The following PPP1R12B variants were observed in gnomAD, a reference collection of about 807,000 sequenced individuals.
The protein encoded by PPP1R12B is myosin phosphatase target subunit 2.
In PPP1R12B, 76 loss-of-function variants were observed where a neutral mutation model predicts 126.1. That is an observed-to-expected ratio of 0.60 (90% confidence interval 0.50 to 0.73). PPP1R12B has a LOEUF of 0.73. Ranked by LOEUF, PPP1R12B falls within the 30% of genes least tolerant of loss-of-function variation. The probability of loss-of-function intolerance (pLI) is 0.00; values close to 1 mark genes in which losing one functional copy is unlikely to be tolerated. For synonymous variants in PPP1R12B, 356 were observed against 434.7 expected (o/e 0.82, Z 2.25); for missense variants, 1,052 against 1,205.1 (o/e 0.87, Z 1.88).
intron 1 of PPP1R12B, among the ~76,000 whole-genome samples, chr1:202,357,168 A>G (rs892621880): frequency 6.6e-6 from 1 of 152,148 alleles, no homozygotes; most frequent in East Asian, 1.9e-4. Flanking sequence ...CCAGAATGCT[A>G]TGATAATAAA....
rs368741212 is a variant in PPP1R12B, at chr1:202,410,403, C to T, written c.292-6384C>T. ...CTAACATATGCCCAGACACCTGGAG[C>T]TGGGTTTTATGGGGAAGAGAGTTGT... On this transcript the variant is annotated intron_variant, in intron 1 of 23. Transcript: ENST00000608999. Among the ~76,000 whole-genome samples the T allele has an allele frequency of 2.9e-4, 44 of 152,336 alleles. 1 individual carries two copies. In the South Asian group the frequency reaches 8.1e-3, roughly 28 times the overall value.
intron 1 of PPP1R12B, among the ~76,000 whole-genome samples, chr1:202,388,513 C>T (rs1411884635): frequency 6.6e-6 from 1 of 151,990 alleles, no homozygotes; most frequent in East Asian, 1.9e-4. Context: ...GCCTATAAAA[C>T]TTGTAGGAAG....
intron 13 of PPP1R12B, chr1:202,472,082 T>C (rs1675996554): frequency 6.3e-7 from 1 of 1,586,822 alleles, no homozygotes; most frequent in Non-Finnish European, 8.5e-7. Flanking sequence ...TCTCCTCTTC[T>C]GGAGAGGGAT....
chr1:202,439,862 G>T (rs1433727848), intron 10 of PPP1R12B: 1 of 337,182 alleles, frequency 3.0e-6, no homozygotes, highest in East Asian at 6.6e-5. Context: ...CAACAGGTTT[G>T]GGGACAGCCC....
At position 202,349,025 on chromosome 1, in the gene PPP1R12B, C is replaced by T. The variant is rs1282946961; in HGVS notation, c.174C>T (p.Asp58=). 6.2e-7 allele frequency: 1 copy of T among 1,612,212 alleles called. No homozygotes were observed. The highest frequency in any genetic ancestry group is 1.3e-5 in the African/African-American group (1 of 74,924). The change falls in exon 1 of 24, where the codon GAC becomes GAT. Residue 58 remains aspartate (D), a synonymous_variant. Coordinates refer to ENST00000608999, the MANE Select transcript of PPP1R12B (RefSeq NM_002481.4). ...RRGSPRVRFE[D]GAVFLAACSS... Reference sequence around the variant, plus strand: ...GGAGCCCCAGGGTCCGCTTCGAGGACGGTGCTGTCTTTCTGGCCGCCTGCT... The same window carrying T: ...GGAGCCCCAGGGTCCGCTTCGAGGATGGTGCTGTCTTTCTGGCCGCCTGCT...
chr1:202,393,140 G>T (rs1664392623), intron 1 of PPP1R12B, among the ~76,000 whole-genome samples: 1 of 151,968 alleles, frequency 6.6e-6, no homozygotes, highest in South Asian at 2.1e-4. Context: ...TAGAGACAGG[G>T]TTTTGCCATG....
At chr1:202,438,531 C>A (rs527248890) in intron 10 of PPP1R12B, 108 of 412,824 alleles carry the variant, frequency 2.6e-4, no homozygotes, top group African/African-American at 1.8e-3. Flanking sequence ...AAGAGCTGCC[C>A]CCGCTGGGCA....
At chr1:202,457,648 T>C (rs805907) in intron 13 of PPP1R12B, among the ~76,000 whole-genome samples, 152,238 of 152,272 alleles carry the variant, frequency 1, 76,102 homozygotes, top group Middle Eastern at 1. Context: ...TATTATTGTA[T>C]AATTGTTAAG....
At chr1:202,567,033 T>G (rs1219556177) in intron 21 of PPP1R12B, among the ~76,000 whole-genome samples, 3 of 151,696 alleles carry the variant, frequency 2.0e-5, no homozygotes, top group South Asian at 2.1e-4. Flanking sequence ...GGTTATTCTG[T>G]TTTTTTTGCC....
chr1:202,439,384 A>G, intron 10 of PPP1R12B: 1 of 1,276,214 alleles, frequency 7.8e-7, no homozygotes, highest in South Asian at 1.2e-5. Flanking sequence ...CTGGTGAAGA[A>G]GCACGCGGCA....
At chr1:202,429,623 A>AT (rs1669958236) in intron 6 of PPP1R12B, among the ~76,000 whole-genome samples, 1 of 152,168 alleles carries the variant, frequency 6.6e-6, no homozygotes, top group African/African-American at 2.4e-5. Context: ...AATAAGCCAT[A>AT]TTTTTTACTC....
At chr1:202,502,586 C>T (rs1322896458) in intron 18 of PPP1R12B, 8 of 593,482 alleles carry the variant, frequency 1.3e-5, no homozygotes, top group South Asian at 7.5e-5. Context: ...CCTGCTCTTA[C>T]GGAATTTACA....
At chr1:202,558,603 T>A (rs1178601353) in intron 18 of PPP1R12B, 17 of 348,580 alleles carry the variant, frequency 4.9e-5, no homozygotes, top group Non-Finnish European at 8.3e-5. Flanking sequence ...TCATTTTACA[T>A]TTTGCTAACT....
At chr1:202,567,909 A>G (rs1688212589) in intron 22 of PPP1R12B, 78 bp downstream of exon 22, 2 of 1,529,896 alleles carry the variant, frequency 1.3e-6, no homozygotes, top group Admixed American at 1.8e-5. Flanking sequence ...TATTCATGCC[A>G]ATGGAAAAAG....
intron 15 of PPP1R12B, among the ~76,000 whole-genome samples, chr1:202,494,100 G>A (rs2148853199): frequency 6.6e-6 from 1 of 152,324 alleles, no homozygotes; most frequent in South Asian, 2.1e-4. Context: ...AGTTTGGACT[G>A]ATAAATGTTA....
At chr1:202,552,304 G>C (rs1686409372) in intron 18 of PPP1R12B, among the ~76,000 whole-genome samples, 1 of 152,130 alleles carries the variant, frequency 6.6e-6, no homozygotes. Flanking sequence ...TTCAAAGTTA[G>C]AGACTGGTAG....
intron 18 of PPP1R12B, among the ~76,000 whole-genome samples, chr1:202,505,323 G>C (rs921592480): frequency 6.6e-6 from 1 of 152,180 alleles, no homozygotes; most frequent in African/African-American, 2.4e-5. Flanking sequence ...TTCTTTGCCA[G>C]TGCTTCCAAC....
intron 1 of PPP1R12B, among the ~76,000 whole-genome samples, chr1:202,358,972 ACT>A (rs1369144989): frequency 6.6e-6 from 1 of 152,006 alleles, no homozygotes; most frequent in Non-Finnish European, 1.5e-5. Flanking sequence ...TGGTCTAGTG[ACT>A]CTCTTTTAAG....
At chr1:202,444,891 G>C (rs922995281) in intron 12 of PPP1R12B, among the ~76,000 whole-genome samples, 3 of 152,130 alleles carry the variant, frequency 2.0e-5, no homozygotes, top group Non-Finnish European at 4.4e-5. Flanking sequence ...CAGTGACTCA[G>C]CTCTAGCTGG....
Sources: gnomAD v4.1 joint callset for allele counts (sites outside exome capture counted in the v4.1 genomes callset) on GRCh38, gnomAD v4.1.1 for gene constraint, MANE v1.5 for transcripts, NCBI Gene and HGNC (gene_info 2026-07-23, HGNC 2026-07-21) for gene names.